Variants in ZCCHC24 observed in about 807,000 individuals in gnomAD.
ZCCHC24 encodes the protein zinc finger CCHC domain-containing protein 24.
ZCCHC24 carries 10 observed loss-of-function variants against 26.2 expected under a neutral mutation model. The ratio of observed to expected loss-of-function variants is 0.38; its 90% CI spans 0.24 to 0.65. The LOEUF is 0.65. Among genes scored for constraint, ZCCHC24 ranks in the 30% least tolerant of loss-of-function variants. The pLI, the probability that ZCCHC24 is intolerant of heterozygous loss-of-function variation, is 0.54. For missense variants in ZCCHC24, 243 were observed against 329.1 expected (o/e 0.74, Z 2.03); for synonymous variants, 144 against 147.1 (o/e 0.98, Z 0.15).
At chr10:79,394,807 G>A (rs938927533) in intron 2 of ZCCHC24, among the ~76,000 whole-genome samples, 1 of 152,234 alleles carries the variant, frequency 6.6e-6, no homozygotes, top group African/African-American at 2.4e-5. Context: ...CTACCCAGCA[G>A]TGTGCTTTAA....
At chr10:79,433,679 AG>A (rs1416073420) in intron 1 of ZCCHC24, among the ~76,000 whole-genome samples, 2 of 152,228 alleles carry the variant, frequency 1.3e-5, no homozygotes, top group African/African-American at 2.4e-5. Flanking sequence ...TCCTGGCCCC[AG>A]CACAGGTGCC....
intron 1 of ZCCHC24, chr10:79,444,193 G>A: frequency 6.6e-7 from 1 of 1,525,610 alleles, no homozygotes; most frequent in Non-Finnish European, 8.8e-7. Flanking sequence ...CCCCCACAAG[G>A]GGAGGAAGTG....
chr10:79,429,655 T>C (rs879363742), intron 2 of ZCCHC24, among the ~76,000 whole-genome samples: 5 of 152,186 alleles, frequency 3.3e-5, no homozygotes, highest in Non-Finnish European at 7.4e-5. Flanking sequence ...GTTCTCTGAT[T>C]GAGGTGACAG....
At chr10:79,390,328 T>G (rs1273072504) in intron 3 of ZCCHC24, among the ~76,000 whole-genome samples, 1 of 152,166 alleles carries the variant, frequency 6.6e-6, no homozygotes, top group Non-Finnish European at 1.5e-5. Flanking sequence ...CATGATAGGG[T>G]TGCTGTGAAG....
At chr10:79,427,618 A>T (rs1450027456) in intron 2 of ZCCHC24, among the ~76,000 whole-genome samples, 5 of 13,132 alleles carry the variant, frequency 3.8e-4, no homozygotes, top group East Asian at 1.0e-3. Flanking sequence ...CAAGGGAAAT[A>T]AAAAAAAAAA....
Position 79,417,381 on chromosome 10 carries a change from T to C in ZCCHC24, c.447+15177A>G, listed in dbSNP as rs916046302. ...TGTGGCTCCCACACAGCCAGGGAAC[T>C]TGGAGGAAGCCAGGCAGGGAGGAAG... On this transcript the variant is annotated intron_variant, in intron 2 of 3. Coordinates refer to ENST00000372336, the MANE Select transcript of ZCCHC24 (RefSeq NM_153367.4). Among the ~76,000 whole-genome samples the C allele has an allele frequency of 1.3e-5, 2 of 152,130 alleles. 1 individual carries two copies. Among genetic ancestry groups the C allele is most frequent in the Non-Finnish European group, 2.9e-5 (2 of 68,016 alleles).
chr10:79,390,769 G>A (rs940879539), intron 3 of ZCCHC24, among the ~76,000 whole-genome samples: 6 of 152,230 alleles, frequency 3.9e-5, no homozygotes, highest in African/African-American at 4.8e-5. Context: ...GACCGGAGTC[G>A]GTAGGGGGAG....
intron 2 of ZCCHC24, chr10:79,403,364 C>A: frequency 1.0e-6 from 1 of 985,102 alleles, no homozygotes; most frequent in Non-Finnish European, 1.2e-6. Context: ...CTGGCTTTTC[C>A]TTCCCCTCTG....
chr10:79,403,011 A>G (rs1408852226), intron 2 of ZCCHC24, among the ~76,000 whole-genome samples: 1 of 152,244 alleles, frequency 6.6e-6, no homozygotes, highest in East Asian at 1.9e-4. Flanking sequence ...CAGATGAAGA[A>G]TGCCCTGTCT....
chr10:79,440,545 C>T (rs1857280082), intron 1 of ZCCHC24, among the ~76,000 whole-genome samples: 1 of 152,212 alleles, frequency 6.6e-6, no homozygotes, highest in African/African-American at 2.4e-5. Context: ...GAGAGCAAAT[C>T]TGGGGACCAA....
chr10:79,435,635 G>A lies in ZCCHC24; in HGVS notation c.247-2877C>T, dbSNP rs78598740. Among the ~76,000 whole-genome samples the A allele has an allele frequency of 8.1e-3, 1,230 of 152,322 alleles. 18 individuals are homozygous for A. The highest frequency in any genetic ancestry group is 0.026 in the African/African-American group (1,087 of 41,558). ...TCCAGACGAACGCTACCTTAGAGCC[G>A]AAAGGGTAGAGACCGTCAGCTGACC... On this transcript the variant is annotated intron_variant, in intron 1 of 3. Transcript: ENST00000372336.
chr10:79,397,838 A>G (rs7900144), intron 2 of ZCCHC24, among the ~76,000 whole-genome samples: 44,412 of 152,074 alleles, frequency 0.29, 7,131 homozygotes, highest in Middle Eastern at 0.41. Context: ...GACACTGGGC[A>G]GAGTGAAGCG....
At chr10:79,393,137 T>C (rs1249386353) in intron 3 of ZCCHC24, among the ~76,000 whole-genome samples, 1 of 152,228 alleles carries the variant, frequency 6.6e-6, no homozygotes, top group Non-Finnish European at 1.5e-5. Context: ...TCTACATTCT[T>C]TCTGCAGGAA....
In ZCCHC24 at chr10:79,445,140, ACGGTGGGG is replaced by A. The variant is rs1222825064; in HGVS notation, c.246+47_246+54del. 676 of 1,099,260 alleles carry A rather than the reference ACGGTGGGG, an allele frequency of 6.1e-4. 6 individuals carry two copies. In the East Asian group the frequency reaches 0.015, roughly 24 times the overall value. The allele number at this position is 1,099,260 out of a possible 1,614,324, so 68.1% of individuals were successfully genotyped here. On this transcript the variant is annotated intron_variant, in intron 1 of 3. Transcript: ENST00000372336. ...CGGGTCAGACAGGGAACGGCCCGCC[ACGGTGGGG>A]CGGTGGGGCGGTGGGGCGGTGGGCG...
intron 2 of ZCCHC24, 189 bp from the exon 3 acceptor site, chr10:79,394,629 C>T: frequency 1.0e-6 from 1 of 985,430 alleles, no homozygotes; most frequent in Non-Finnish European, 1.2e-6. Context: ...CTGGGAGGCA[C>T]ATAGGGAACA....
intron 2 of ZCCHC24, among the ~76,000 whole-genome samples, chr10:79,414,034 C>T (rs1173790236): frequency 6.6e-6 from 1 of 152,234 alleles, no homozygotes; most frequent in Non-Finnish European, 1.5e-5. Flanking sequence ...GTGAGAGCTC[C>T]GTGGGGTCTC....
chr10:79,427,194 A>G (rs1223350550), intron 2 of ZCCHC24, among the ~76,000 whole-genome samples: 4 of 152,242 alleles, frequency 2.6e-5, no homozygotes, highest in African/African-American at 9.6e-5. Flanking sequence ...AAATGAATGA[A>G]GCAAAAACTG....
Position 79,410,486 on chromosome 10 carries a change from C to T in ZCCHC24, c.448-16046G>A, listed in dbSNP as rs147473522. Among the ~76,000 whole-genome samples the T allele has an allele frequency of 3.2e-4, 49 of 152,300 alleles. No homozygotes were observed. The East Asian group carries it at 6.6e-3, about 20-fold the overall frequency. On this transcript the variant is annotated intron_variant, in intron 2 of 3. Coordinates refer to ENST00000372336, the MANE Select transcript of ZCCHC24 (RefSeq NM_153367.4). ...AGCCCCATGTTCTGGGAGCATCTGGCCAGCATGGCTGGGGAGGAGTGACGT... is the reference window on the plus strand; with the variant it reads ...AGCCCCATGTTCTGGGAGCATCTGGTCAGCATGGCTGGGGAGGAGTGACGT...
In ZCCHC24 at chr10:79,432,539, T is replaced by A; in HGVS notation, c.447+19A>T. The A allele has an allele frequency of 6.3e-7, 1 of 1,588,548 alleles. No homozygotes were observed. The highest frequency in any genetic ancestry group is 8.6e-7 in the Non-Finnish European group (1 of 1,167,930). On this transcript the variant is annotated intron_variant, in intron 2 of 3. Transcript: ENST00000372336. ...AGTAGGGGAGCCCAAGAGCACCCCC[T>A]GGGCCAGGGCTGCCTTACCTGGGGG... is the stretch of plus-strand genomic sequence containing the variant.
Sources: gnomAD v4.1 joint callset for allele counts (sites outside exome capture counted in the v4.1 genomes callset) on GRCh38, gnomAD v4.1.1 for gene constraint, MANE v1.5 for transcripts, NCBI Gene and HGNC (gene_info 2026-07-23, HGNC 2026-07-21) for gene names.